The following ZSCAN31 variants were observed in gnomAD, a reference collection of about 807,000 sequenced individuals.
ZSCAN31 encodes zinc finger and SCAN domain-containing protein 31.
A neutral mutation model predicts 22.5 loss-of-function variants in ZSCAN31; 14 were observed. The ratio of observed to expected loss-of-function variants is 0.62; its 90% confidence interval spans 0.41 to 0.97. ZSCAN31 has a LOEUF of 0.97. ZSCAN31 is among the 50% of genes least tolerant of loss of function. ZSCAN31 has a pLI of 0.00. For missense variants in ZSCAN31, 424 were observed against 483.4 expected, an observed-to-expected ratio of 0.88 and a Z score of 1.15; for synonymous variants, 168 against 169.8, an observed-to-expected ratio of 0.99 and a Z score of 0.08.
At chr6:28,335,655 C>A (rs1208804137) in intron 1 of ZSCAN31, among the ~76,000 whole-genome samples, 1 of 152,174 alleles carries the variant, frequency 6.6e-6, no homozygotes, top group Non-Finnish European at 1.5e-5. Context: ...TGGTCCCGGA[C>A]CAAGCTGAGT....
chr6:28,356,158 G>A (rs1765407412), upstream of ZSCAN31: 1 of 152,226 alleles, frequency 6.6e-6, no homozygotes, highest in African/African-American at 2.4e-5. Flanking sequence ...GTCCCCCCAA[G>A]CCTGGCACCT....
At chr6:28,330,926 T>C (rs1489792663) in intron 1 of ZSCAN31, among the ~76,000 whole-genome samples, 1 of 152,042 alleles carries the variant, frequency 6.6e-6, no homozygotes, top group East Asian at 1.9e-4. Context: ...GAAAGGAAGG[T>C]ATCCGGCATC....
rs1764695682 is a variant in ZSCAN31, at chr6:28,347,618, T to G, written c.-370-5826A>C. On this transcript the variant is annotated intron_variant, in intron 2 of 7. Coordinates refer to the ZSCAN31 transcript ENST00000396838. The surrounding 1 kb of genome is among the most constrained non-coding windows in gnomAD (Gnocchi z 5.2). ...TTTTGGCTCAGTCTCCCCTGGAACATTAGCTCTATGAGAACAGGGGTCTTT... is the reference window on the plus strand; with the variant it reads ...TTTTGGCTCAGTCTCCCCTGGAACAGTAGCTCTATGAGAACAGGGGTCTTT... Among the ~76,000 whole-genome samples, 1 of 152,216 alleles carries G rather than the reference T, an allele frequency of 6.6e-6. No individual in the cohort carries two copies. The highest frequency in any genetic ancestry group is 1.5e-5 in the Non-Finnish European group (1 of 68,042).
In ZSCAN31 at chr6:28,347,037, CAGA is replaced by C. The variant is rs1251630104; in HGVS notation, c.-370-5248_-370-5246del. Among the ~76,000 whole-genome samples the C allele has an allele frequency of 6.6e-6, 1 of 152,192 alleles. No homozygotes were observed. Among genetic ancestry groups the C allele is most frequent in the Non-Finnish European group, 1.5e-5 (1 of 68,032 alleles). On this transcript the variant is annotated intron_variant, in intron 2 of 7. Transcript: ENST00000396838. This position sits in a 1 kb window ranked among gnomAD's most constrained non-coding sequence, Gnocchi z 5.2. ...TTTCCTTGGTCAAAAAGTTGCCTCA[CAGA>C]AGGTTACCTTCCTTCCACCTTATAC...
chr6:28,348,972 T>C (rs529641306), intron 2 of ZSCAN31, among the ~76,000 whole-genome samples: 1 of 147,292 alleles, frequency 6.8e-6, no homozygotes, highest in African/African-American at 2.5e-5. Flanking sequence ...TGTATATACA[T>C]GTCTCATATA....
chr6:28,345,383 C>T (rs1764605111), intron 2 of ZSCAN31, among the ~76,000 whole-genome samples: 1 of 152,154 alleles, frequency 6.6e-6, no homozygotes. Context: ...TACCCCAGTG[C>T]TGGCAGGATG....
upstream of ZSCAN31, chr6:28,336,362 T>C (rs1167611205): frequency 6.6e-6 from 1 of 152,108 alleles, no homozygotes; most frequent in African/African-American, 2.4e-5. Context: ...TAGATGGTCA[T>C]CGAGACCCAA....
intron 2 of ZSCAN31, among the ~76,000 whole-genome samples, chr6:28,329,086 C>A (rs853679): frequency 0.19 from 29,230 of 152,140 alleles, 3,629 homozygotes; most frequent in African/African-American, 0.35. Flanking sequence ...TAGCTGAGGC[C>A]CCCTACCAAC....
At chr6:28,330,644 A>G (rs1380517152) in intron 1 of ZSCAN31, among the ~76,000 whole-genome samples, 1 of 152,224 alleles carries the variant, frequency 6.6e-6, no homozygotes, top group Non-Finnish European at 1.5e-5. Flanking sequence ...TCTGGTCCCA[A>G]GCATTTTGGA....
chr6:28,339,338 C>A (rs1295827631), upstream of ZSCAN31, among the ~76,000 whole-genome samples: 1 of 152,086 alleles, frequency 6.6e-6, no homozygotes, highest in Non-Finnish European at 1.5e-5. Context: ...GCTCTATTTC[C>A]CAGGATGGAG....
chr6:28,340,925 G>A (rs920143881), upstream of ZSCAN31, among the ~76,000 whole-genome samples: 1 of 152,118 alleles, frequency 6.6e-6, no homozygotes, highest in African/African-American at 2.4e-5. Flanking sequence ...TGGTTGGTTG[G>A]CTTGCAGTGC....
At position 28,324,773 on chromosome 6, in the gene ZSCAN31, C is replaced by T. The variant is rs774454624; in HGVS notation, c.*1393G>A. 6.6e-6 allele frequency: 1 copy of T among 152,146 alleles called. No individual in the cohort carries two copies. The highest frequency in any genetic ancestry group is 2.4e-5 in the African/African-American group (1 of 41,436). The allele number at this position is 152,146 out of a possible 1,614,324, so 9.4% of individuals were successfully genotyped here. A position where few individuals can be genotyped will look rare whatever the true frequency, so the allele number is the denominator to read the frequency against. ...ACAGTTTTAAGCTGAACTTTTATTTCCTCTCTTTTGAAATATTCTGATTCA... is the reference window on the plus strand; with the variant it reads ...ACAGTTTTAAGCTGAACTTTTATTTTCTCTCTTTTGAAATATTCTGATTCA... On this transcript the variant is annotated 3_prime_UTR_variant, in exon 4 of 4. Coordinates refer to ENST00000344279, the MANE Select transcript of ZSCAN31 (RefSeq NM_030899.5). This position sits in a 1 kb window ranked among gnomAD's most constrained non-coding sequence, Gnocchi z 4.8.
intron 2 of ZSCAN31, among the ~76,000 whole-genome samples, chr6:28,343,998 TCTC>T (rs1398101526): frequency 6.6e-6 from 1 of 152,162 alleles, no homozygotes; most frequent in Non-Finnish European, 1.5e-5. Context: ...CTATGTTATC[TCTC>T]CTGCCCCTTA....
chr6:28,355,226 T>A (rs1374177811), upstream of ZSCAN31: 1 of 152,232 alleles, frequency 6.6e-6, no homozygotes, highest in Non-Finnish European at 1.5e-5. Flanking sequence ...TGAGTTAGCA[T>A]ACTTTGCTGT....
At chr6:28,344,587 C>T (rs1489428565) in intron 2 of ZSCAN31, among the ~76,000 whole-genome samples, 1 of 152,146 alleles carries the variant, frequency 6.6e-6, no homozygotes, top group Non-Finnish European at 1.5e-5. Flanking sequence ...AGGAAAAATA[C>T]TGAGTTTGGA....
chr6:28,326,447 T>C lies in ZSCAN31; in HGVS notation c.940A>G (p.Arg314Gly). 6.2e-7 allele frequency: 1 copy of C among 1,614,122 alleles called. No homozygotes were observed. The highest frequency in any genetic ancestry group is 8.5e-7 in the Non-Finnish European group (1 of 1,180,000). ...GGTTTTTCCCCTGTGTGGATTCTTC[T>C]GTGTCGAGTGAGGCCATTGCTGGCA... Reference protein sequence around the residue: ...FSASNGLTRHRRIHTGEKPYE... With the variant: ...FSASNGLTRHGRIHTGEKPYE... The change falls in exon 4 of 4, where the codon AGA (arginine) becomes GGA (glycine). Residue 314 changes from arginine (R) to glycine (G), a missense_variant. Coordinates refer to ENST00000344279, the MANE Select transcript of ZSCAN31 (RefSeq NM_030899.5).
chr6:28,329,572 A>G lies in ZSCAN31; in HGVS notation c.112T>C (p.Ser38Pro). The G allele has an allele frequency of 6.2e-7, 1 of 1,614,142 alleles. No homozygotes were observed. Among genetic ancestry groups the G allele is most frequent in the Non-Finnish European group, 8.5e-7 (1 of 1,180,012 alleles). Residue 38 changes from serine to proline, a missense_variant, in exon 2 of 4, where the codon TCC (serine) becomes CCC (proline). Coordinates refer to ENST00000344279, the MANE Select transcript of ZSCAN31 (RefSeq NM_030899.5). ...RGNNFSGQEASRQLFRQFCYQ... is the reference protein window; with the variant it reads ...RGNNFSGQEAPRQLFRQFCYQ... Reference sequence around the variant, plus strand: ...CAAAACTGCCTAAAAAGTTGTCGGGAGGCTTCTTGGCCAGAAAAGTTGTTC... The same window carrying G: ...CAAAACTGCCTAAAAAGTTGTCGGGGGGCTTCTTGGCCAGAAAAGTTGTTC...
chr6:28,353,806 T>C, intron 2 of ZSCAN31: 1 of 456,676 alleles, frequency 2.2e-6, no homozygotes, highest in South Asian at 1.5e-5. Flanking sequence ...TACTCTTATT[T>C]AAAAAAAGAA....
In ZSCAN31 at chr6:28,326,107, T is replaced by C; in HGVS notation, c.*59A>G. Reference sequence around the variant, plus strand: ...TCCAGTTCTGCTGGAACAGTATGGATTCTAAAATGCCTAATAAGGTTGCAA... The same window carrying C: ...TCCAGTTCTGCTGGAACAGTATGGACTCTAAAATGCCTAATAAGGTTGCAA... On this transcript the variant is annotated 3_prime_UTR_variant, in exon 4 of 4. Coordinates refer to ENST00000344279, the MANE Select transcript of ZSCAN31 (RefSeq NM_030899.5). 2 of 1,469,854 alleles carry C rather than the reference T, an allele frequency of 1.4e-6. No individual in the cohort carries two copies. Among genetic ancestry groups the C allele is most frequent in the South Asian group, 1.3e-5 (1 of 78,344 alleles). 91.1% of individuals were successfully genotyped at this position (1,469,854 alleles called of 1,614,324 possible). A position where few individuals can be genotyped will look rare whatever the true frequency, so the allele number is the denominator to read the frequency against.
Sources: gnomAD v4.1 joint callset for allele counts (sites outside exome capture counted in the v4.1 genomes callset) on GRCh38, gnomAD v4.1.1 for gene constraint, Gnocchi (gnomAD v3.1) non-coding constraint, MANE v1.5 for transcripts, NCBI Gene and HGNC (gene_info 2026-07-23, HGNC 2026-07-21) for gene names.